Variants in PDE1C observed in about 807,000 individuals in gnomAD.
The protein encoded by PDE1C is phosphodiesterase 1C.
Under a neutral mutation model 93.1 loss-of-function variants are expected in PDE1C, and 62 were observed. The observed-to-expected ratio is 0.67, with a 90% CI of 0.54 to 0.82. The LOEUF is 0.82. Among genes scored for constraint, PDE1C ranks in the 40% least tolerant of loss-of-function variants. The pLI, the probability that PDE1C is intolerant of heterozygous loss-of-function variation, is 0.00. For missense variants in PDE1C, 742 were observed against 884.6 expected (o/e 0.84, Z 2.04); for synonymous variants, 325 against 310.1 (o/e 1.05, Z -0.50).
intron 16 of PDE1C, among the ~76,000 whole-genome samples, chr7:31,781,014 T>C (rs1307039812): frequency 2.0e-5 from 3 of 152,214 alleles, no homozygotes; most frequent in Non-Finnish European, 4.4e-5. Flanking sequence ...CTTTGACAAA[T>C]GAATAGCTTT....
At chr7:32,244,433 T>C (rs1427869412) in intron 1 of PDE1C, among the ~76,000 whole-genome samples, 1 of 152,204 alleles carries the variant, frequency 6.6e-6, no homozygotes, top group Admixed American at 6.5e-5. Context: ...ACCTAGCCAG[T>C]CCTGCACTGA....
At chr7:31,958,744 G>A (rs1808496956) in intron 2 of PDE1C, among the ~76,000 whole-genome samples, 1 of 152,078 alleles carries the variant, frequency 6.6e-6, no homozygotes, top group Non-Finnish European at 1.5e-5. Flanking sequence ...CATATTAGAT[G>A]ACTTTCCAAG....
At chr7:32,336,160 G>T (rs1783619951) in intron 1 of PDE1C, among the ~76,000 whole-genome samples, 1 of 152,178 alleles carries the variant, frequency 6.6e-6, no homozygotes. Flanking sequence ...AGGCAAGAGA[G>T]TCTAATTAAT....
chr7:32,122,236 C>A (rs540112859), intron 3 of PDE1C, among the ~76,000 whole-genome samples: 1 of 152,138 alleles, frequency 6.6e-6, no homozygotes, highest in Non-Finnish European at 1.5e-5. Flanking sequence ...TTCTTAGAGA[C>A]CTACAAAGAG....
In PDE1C at chr7:31,938,976, T is replaced by C. The variant is rs549929384; in HGVS notation, c.129-58116A>G. Among the ~76,000 whole-genome samples, 4 of 152,298 alleles carry C rather than the reference T, an allele frequency of 2.6e-5. No homozygotes were observed. In the East Asian group the frequency reaches 7.7e-4, roughly 29 times the overall value. ...ACCACCTCCAGCACCAAAGCACTTT[T>C]AGCTCCCAGTGGCATGTTCTAGGTA... is the stretch of plus-strand genomic sequence containing the variant. On this transcript the variant is annotated intron_variant, in intron 2 of 17. Transcript: ENST00000396191.
At chr7:32,353,830 G>A (rs1375335753) in intron 1 of PDE1C, among the ~76,000 whole-genome samples, 1 of 152,068 alleles carries the variant, frequency 6.6e-6, no homozygotes, top group African/African-American at 2.4e-5. Flanking sequence ...CCATTTGGGA[G>A]CTGAAATGAA....
At chr7:31,953,673 G>A (rs1807720941) in intron 2 of PDE1C, among the ~76,000 whole-genome samples, 1 of 152,160 alleles carries the variant, frequency 6.6e-6, no homozygotes, top group Non-Finnish European at 1.5e-5. Flanking sequence ...GTTGACAGCA[G>A]AATTGCAGTA....
chr7:31,963,578 T>C (rs1237671487), intron 2 of PDE1C, among the ~76,000 whole-genome samples: 2 of 152,234 alleles, frequency 1.3e-5, no homozygotes, highest in African/African-American at 4.8e-5. Flanking sequence ...ATTGCTTGTA[T>C]ATTTATTCTG....
intron 2 of PDE1C, among the ~76,000 whole-genome samples, chr7:32,027,596 A>G (rs1426363276): frequency 8.4e-6 from 1 of 118,618 alleles, no homozygotes; most frequent in Non-Finnish European, 1.9e-5. Flanking sequence ...AAAAAAAACT[A>G]TCAAAAATGG....
chr7:31,992,775 A>G (rs1784287975), intron 2 of PDE1C, among the ~76,000 whole-genome samples: 1 of 152,206 alleles, frequency 6.6e-6, no homozygotes, highest in Non-Finnish European at 1.5e-5. Context: ...CTCTTTTTTA[A>G]ACAAACACAT....
chr7:32,117,296 T>C (rs1458764556), intron 3 of PDE1C, among the ~76,000 whole-genome samples: 1 of 152,182 alleles, frequency 6.6e-6, no homozygotes, highest in Non-Finnish European at 1.5e-5. Context: ...CCACTAATAA[T>C]AATAACAACT....
intron 2 of PDE1C, among the ~76,000 whole-genome samples, chr7:31,918,116 CAATT>C (rs1802161553): frequency 6.6e-6 from 1 of 152,110 alleles, no homozygotes; most frequent in Admixed American, 6.5e-5. Flanking sequence ...TCAGACAGAT[CAATT>C]AGTAGCTACC....
intron 1 of PDE1C, among the ~76,000 whole-genome samples, chr7:32,358,881 T>TTGTGTGTGTGTGTCTGTGTGTG (rs573579133): frequency 1.4e-5 from 2 of 147,568 alleles, no homozygotes; most frequent in South Asian, 4.3e-4. Flanking sequence ...TCATCTAACA[T>TTGTGTGTGTGTGTCTGTGTGTG]TGTGTGTGTG....
chr7:32,373,451 G>C (rs1166716383), intron 1 of PDE1C, among the ~76,000 whole-genome samples: 2 of 152,200 alleles, frequency 1.3e-5, no homozygotes, highest in African/African-American at 2.4e-5. Flanking sequence ...GGGTTGCCTA[G>C]AGCAGGTATA....
upstream of PDE1C, chr7:32,071,263 C>T (rs897875898): frequency 4.1e-6 from 4 of 985,314 alleles, no homozygotes; most frequent in South Asian, 9.4e-5. Flanking sequence ...CTTATCCTCC[C>T]GGGGCCAGGG....
chr7:32,023,472 T>G (rs543230732), intron 2 of PDE1C, among the ~76,000 whole-genome samples: 1 of 152,124 alleles, frequency 6.6e-6, no homozygotes, highest in Non-Finnish European at 1.5e-5. Context: ...CACAGGAACT[T>G]GTACACAAAT....
At chr7:31,623,423 A>T in the PDE1C span, among the ~76,000 whole-genome samples, 1 of 151,664 alleles carries the variant, frequency 6.6e-6, no homozygotes, top group Non-Finnish European at 1.5e-5. Flanking sequence ...AGTGGGCTTC[A>T]TCCCTGGGAT....
chr7:32,385,248 G>C (rs927258050), intron 1 of PDE1C, among the ~76,000 whole-genome samples: 2 of 152,170 alleles, frequency 1.3e-5, no homozygotes, highest in Non-Finnish European at 2.9e-5. Context: ...TCTAAGTGGA[G>C]ACACTAAGTA....
intron 1 of PDE1C, among the ~76,000 whole-genome samples, chr7:32,404,135 C>T (rs929191796): frequency 6.6e-6 from 1 of 152,092 alleles, no homozygotes; most frequent in Non-Finnish European, 1.5e-5. Context: ...TGGGCATGTT[C>T]CTTAAGCTCT....
Sources: allele counts gnomAD v4.1 joint callset (sites outside exome capture counted in the v4.1 genomes callset), GRCh38; gene constraint gnomAD v4.1.1; transcripts MANE v1.5; gene names NCBI Gene and HGNC (gene_info 2026-07-23, HGNC 2026-07-21).